EBF1: variants seen among roughly 807,000 people sequenced by gnomAD.
The protein encoded by EBF1 is transcription factor COE1.
A neutral mutation model predicts 68.4 loss-of-function variants in EBF1; 10 were observed. The observed-to-expected ratio is 0.15, with a 90% confidence interval of 0.09 to 0.25. The LOEUF is 0.25. Among genes scored for constraint, EBF1 ranks in the 10% least tolerant of loss-of-function variants. EBF1 has a pLI of 1.00. For missense variants in EBF1, 509 were observed against 794.4 expected (o/e 0.64, Z 4.32); for synonymous variants, 298 against 299.8 (o/e 0.99, Z 0.06).
At chr5:158,947,028 C>T (rs191149176) in intron 6 of EBF1, among the ~76,000 whole-genome samples, 3 of 152,162 alleles carry the variant, frequency 2.0e-5, no homozygotes, top group Admixed American at 1.3e-4. Context: ...ATGGCAAATG[C>T]CCCTCCCCCC....
At chr5:158,969,748 T>G (rs1391482273) in intron 6 of EBF1, among the ~76,000 whole-genome samples, 1 of 149,322 alleles carries the variant, frequency 6.7e-6, no homozygotes, top group Non-Finnish European at 1.5e-5. Context: ...GCATTCGAGC[T>G]TGGGTGATAG....
intron 6 of EBF1, among the ~76,000 whole-genome samples, chr5:159,035,898 A>C (rs1769953256): frequency 6.6e-6 from 1 of 152,188 alleles, no homozygotes; most frequent in Non-Finnish European, 1.5e-5. Context: ...AAGGACCTTG[A>C]ACTTTACCAT....
intron 10 of EBF1, among the ~76,000 whole-genome samples, chr5:158,739,801 G>A (rs1765926757): frequency 6.6e-6 from 1 of 152,086 alleles, no homozygotes; most frequent in African/African-American, 2.4e-5. Context: ...TATCAAGGGG[G>A]TAAAATCACC....
intron 6 of EBF1, among the ~76,000 whole-genome samples, chr5:158,867,336 T>G (rs1010938337): frequency 6.6e-6 from 1 of 152,214 alleles, no homozygotes; most frequent in Non-Finnish European, 1.5e-5. Context: ...CTATATCTTC[T>G]TCTAAGCCAT....
intron 11 of EBF1, among the ~76,000 whole-genome samples, chr5:158,728,760 T>C (rs1485769054): frequency 6.6e-6 from 1 of 152,144 alleles, no homozygotes; most frequent in Non-Finnish European, 1.5e-5. Context: ...AGATAGGGTT[T>C]TGTGATGGTA....
At chr5:158,831,467 C>T (rs979426231) in intron 7 of EBF1, among the ~76,000 whole-genome samples, 2 of 151,994 alleles carry the variant, frequency 1.3e-5, no homozygotes, top group African/African-American at 4.8e-5. Flanking sequence ...AAAGCATTTA[C>T]CAAGCAGGAG....
At chr5:159,034,871 G>A (rs376993982) in intron 6 of EBF1, among the ~76,000 whole-genome samples, 61 of 152,242 alleles carry the variant, frequency 4.0e-4, no homozygotes, top group African/African-American at 1.4e-3. Context: ...GATGCTTCCT[G>A]CCTACCTTGT....
chr5:158,912,864 T>C (rs1481325544), intron 6 of EBF1, among the ~76,000 whole-genome samples: 1 of 152,170 alleles, frequency 6.6e-6, no homozygotes, highest in Non-Finnish European at 1.5e-5. Context: ...AAGGTTCTAG[T>C]AGTTATTCTT....
At chr5:158,833,947 T>G (rs1788154801) in intron 7 of EBF1, among the ~76,000 whole-genome samples, 1 of 152,250 alleles carries the variant, frequency 6.6e-6, no homozygotes, top group Non-Finnish European at 1.5e-5. Context: ...CACGCATTCC[T>G]GCATGTGTGC....
At chr5:158,848,460 C>T (rs1357553146) in intron 6 of EBF1, among the ~76,000 whole-genome samples, 1 of 152,218 alleles carries the variant, frequency 6.6e-6, no homozygotes, top group Non-Finnish European at 1.5e-5. Context: ...CAACCACTCT[C>T]ACCCTATTTG....
chr5:159,064,607 T>C (rs542451628), intron 6 of EBF1, among the ~76,000 whole-genome samples: 11 of 152,296 alleles, frequency 7.2e-5, no homozygotes, highest in Admixed American at 2.0e-4. Context: ...GCTTGCTTTG[T>C]TTTAAGGTGC....
chr5:158,916,144 A>T (rs1194866347), intron 6 of EBF1, among the ~76,000 whole-genome samples: 3 of 152,154 alleles, frequency 2.0e-5, no homozygotes, highest in Non-Finnish European at 4.4e-5. Flanking sequence ...TCCTGAACCT[A>T]CTGAGAAGTG....
intron 6 of EBF1, among the ~76,000 whole-genome samples, chr5:158,894,510 T>C (rs993349042): frequency 8.5e-5 from 13 of 152,224 alleles, no homozygotes; most frequent in Admixed American, 4.6e-4. Flanking sequence ...TTAAGTTCCA[T>C]CAAGTGGCAG....
chr5:159,097,193 C>A, intron 1 of EBF1, 63 bp from the exon 2 acceptor site: 1 of 1,544,638 alleles, frequency 6.5e-7, no homozygotes, highest in Admixed American at 1.8e-5. Context: ...CCTTGTCACC[C>A]TGTACACACA....
intron 11 of EBF1, among the ~76,000 whole-genome samples, chr5:158,730,441 G>A (rs546906279): frequency 6.6e-6 from 1 of 152,304 alleles, no homozygotes; most frequent in South Asian, 2.1e-4. Flanking sequence ...TTTCTGCACT[G>A]GCAATTAATG....
In EBF1 at chr5:158,776,245, AT is replaced by A. The variant is rs373396568; in HGVS notation, c.1036+1167del. On this transcript the variant is annotated intron_variant, in intron 10 of 15. Coordinates refer to ENST00000313708, the MANE Select transcript of EBF1 (RefSeq NM_024007.5). Reference sequence around the variant, plus strand: ...ATCGTCAGGCAGGCACCAAACCTGCATTTTGTTTAAAGGGCTGGGAGGCATT... The same window carrying A: ...ATCGTCAGGCAGGCACCAAACCTGCATTTGTTTAAAGGGCTGGGAGGCATT... 4.3e-3 allele frequency among the ~76,000 whole-genome samples: 652 copies of A among 152,154 alleles called. 4 individuals carry two copies. The highest frequency in any genetic ancestry group is 0.015 in the African/African-American group (607 of 41,546).
chr5:158,811,928 T>G (rs1782747215), intron 8 of EBF1, among the ~76,000 whole-genome samples: 1 of 152,194 alleles, frequency 6.6e-6, no homozygotes, highest in African/African-American at 2.4e-5. Flanking sequence ...TTGAAAATTT[T>G]AAAAGTTTCC....
chr5:159,032,845 T>A (rs1284718569), intron 6 of EBF1, among the ~76,000 whole-genome samples: 1 of 152,094 alleles, frequency 6.6e-6, no homozygotes, highest in Admixed American at 6.5e-5. Context: ...TATCAAGAGC[T>A]CTCAAGTCAT....
chr5:158,793,823 C>A (rs1779139706), intron 9 of EBF1, among the ~76,000 whole-genome samples: 1 of 152,128 alleles, frequency 6.6e-6, no homozygotes, highest in Admixed American at 6.5e-5. Flanking sequence ...TTATTTGGGG[C>A]AGTATCAAAT....
Sources: allele counts gnomAD v4.1 joint callset (sites outside exome capture counted in the v4.1 genomes callset), GRCh38; gene constraint gnomAD v4.1.1; transcripts MANE v1.5; gene names NCBI Gene and HGNC (gene_info 2026-07-23, HGNC 2026-07-21).